ZNF423: variants seen among roughly 807,000 people sequenced by gnomAD.
The protein encoded by ZNF423 is zinc finger protein 423.
In ZNF423, 12 loss-of-function variants were observed where a neutral mutation model predicts 95.8. The ratio of observed to expected loss-of-function variants is 0.13; its 90% CI spans 0.08 to 0.20. The LOEUF (loss-of-function observed/expected upper bound fraction) is 0.20. ZNF423 is among the 10% of genes least tolerant of loss of function. The pLI is 1.00. For synonymous variants in ZNF423, 749 were observed against 711.9 expected (o/e 1.05, Z -0.83); for missense variants, 1,316 against 1,737.1 (o/e 0.76, Z 4.31).
rs959627511 is a variant in ZNF423 at position 49,855,766 on chromosome 16, C to T, written c.9G>A (p.Arg3=). The part of the protein sequence containing the change: MS[R]RKQAKPRSVK... ...CCGAGCGCGGCTTCGCCTGCTTCCGCCTGGACATGTCCGGGGCTCCGGGCG... is the reference window on the plus strand; with the variant it reads ...CCGAGCGCGGCTTCGCCTGCTTCCGTCTGGACATGTCCGGGGCTCCGGGCG... The change falls in exon 1 of 8, where the codon AGG becomes AGA. Residue 3 remains arginine, a synonymous_variant. Coordinates refer to ENST00000563137, the MANE Select transcript of ZNF423 (RefSeq NM_001379286.1). This position sits in a 1 kb window ranked among gnomAD's most constrained non-coding sequence, Gnocchi z 4.7. 1 of 153,168 alleles carries T rather than the reference C, an allele frequency of 6.5e-6. No individual in the cohort carries two copies. Among genetic ancestry groups the T allele is most frequent in the African/African-American group, 2.4e-5 (1 of 41,346 alleles). 9.5% of individuals were successfully genotyped at this position (153,168 alleles called of 1,614,324 possible). A position where few individuals can be genotyped will look rare whatever the true frequency, so the allele number is the denominator to read the frequency against.
chr16:49,621,545 C>T (rs1457960707), intron 5 of ZNF423, among the ~76,000 whole-genome samples: 3 of 152,136 alleles, frequency 2.0e-5, no homozygotes, highest in Non-Finnish European at 2.9e-5. Flanking sequence ...CAGTCCGGGT[C>T]CCAGGGGAGG....
intron 1 of ZNF423, among the ~76,000 whole-genome samples, chr16:49,853,479 GA>G (rs1361278129): frequency 6.6e-6 from 1 of 152,058 alleles, no homozygotes; most frequent in Non-Finnish European, 1.5e-5. Context: ...GCTGCTTTTG[GA>G]AAATGCAAAA....
chr16:49,573,154 G>C (rs1970402791), intron 5 of ZNF423, among the ~76,000 whole-genome samples: 1 of 152,098 alleles, frequency 6.6e-6, no homozygotes, highest in Non-Finnish European at 1.5e-5. Context: ...GGTAGAAGTG[G>C]GTAGAGGAGT....
intron 5 of ZNF423, among the ~76,000 whole-genome samples, chr16:49,596,994 G>A (rs1009094723): frequency 6.6e-6 from 1 of 152,182 alleles, no homozygotes; most frequent in African/African-American, 2.4e-5. Flanking sequence ...CTGTTGGGTC[G>A]GCTTGGGCTT....
At chr16:49,533,053 C>G (rs980969010) in intron 5 of ZNF423, among the ~76,000 whole-genome samples, 2 of 152,214 alleles carry the variant, frequency 1.3e-5, no homozygotes, top group African/African-American at 4.8e-5. Context: ...CTGACCACAG[C>G]AAGACTGGAC....
chr16:49,695,298 T>C (rs1224413606), intron 3 of ZNF423, among the ~76,000 whole-genome samples: 4 of 152,180 alleles, frequency 2.6e-5, no homozygotes, highest in African/African-American at 9.7e-5. Flanking sequence ...TATTTTTATT[T>C]TATTTTATTT....
intron 5 of ZNF423, among the ~76,000 whole-genome samples, chr16:49,595,123 G>A (rs1971142500): frequency 6.6e-6 from 1 of 152,230 alleles, no homozygotes; most frequent in South Asian, 2.1e-4. Flanking sequence ...CGGGAGGGCA[G>A]GGAGTGCTGC....
intron 7 of ZNF423, among the ~76,000 whole-genome samples, chr16:49,506,740 T>C (rs911478306): frequency 1.3e-5 from 2 of 151,718 alleles, no homozygotes; most frequent in East Asian, 1.9e-4. Flanking sequence ...GGTGGAGAGA[T>C]GGGTAGGTGG....
At chr16:49,833,660 AC>A (rs1734777189) in intron 1 of ZNF423, among the ~76,000 whole-genome samples, 1 of 148,374 alleles carries the variant, frequency 6.7e-6, no homozygotes, top group Admixed American at 6.7e-5. Context: ...CAGAAGACGG[AC>A]AGATGTCAAG....
chr16:49,837,226 T>C (rs764355692), intron 1 of ZNF423, among the ~76,000 whole-genome samples: 1 of 152,086 alleles, frequency 6.6e-6, no homozygotes, highest in Non-Finnish European at 1.5e-5. Flanking sequence ...CCATGGGATA[T>C]GGAGACCTTG....
rs73580509 is a variant in ZNF423, at chr16:49,560,614, C to T, written c.3602-35120G>A. On this transcript the variant is annotated intron_variant, in intron 5 of 7. Transcript: ENST00000563137. ...GTGGGAAGGAATATGAATGTGGTGC[C>T]GGCTCTACCATGGGGCCTTGAGGCC... Among the ~76,000 whole-genome samples, 1,335 of 152,224 alleles carry T rather than the reference C, an allele frequency of 8.8e-3. 24 individuals carry two copies. The highest frequency in any genetic ancestry group is 0.031 in the African/African-American group (1,282 of 41,524).
chr16:49,502,823 C>A (rs1967465790), intron 7 of ZNF423, among the ~76,000 whole-genome samples: 1 of 123,596 alleles, frequency 8.1e-6, no homozygotes, highest in African/African-American at 3.4e-5. Flanking sequence ...ACACACCTGC[C>A]CCCGTCATGT....
At chr16:49,812,924 G>C (rs1475274446) in intron 1 of ZNF423, among the ~76,000 whole-genome samples, 1 of 152,094 alleles carries the variant, frequency 6.6e-6, no homozygotes, top group Non-Finnish European at 1.5e-5. Context: ...TGGGTGGCTG[G>C]GGGAGTTTCT....
chr16:49,815,829 C>A (rs572728244), intron 1 of ZNF423, among the ~76,000 whole-genome samples: 168 of 131,836 alleles, frequency 1.3e-3, no homozygotes, highest in Middle Eastern at 4.9e-3. Context: ...TTTGTGCATA[C>A]TTTCCTGAAT....
chr16:49,820,024 AGGTG>A (rs2034915975), intron 1 of ZNF423, among the ~76,000 whole-genome samples: 1 of 148,824 alleles, frequency 6.7e-6, no homozygotes, highest in Non-Finnish European at 1.5e-5. Context: ...TTTGTTGAAT[AGGTG>A]GATGGATGGA....
At chr16:49,667,389 C>T (rs376037891) in intron 3 of ZNF423, among the ~76,000 whole-genome samples, 5 of 152,302 alleles carry the variant, frequency 3.3e-5, no homozygotes, top group African/African-American at 1.2e-4. Context: ...AACCCTCATC[C>T]CCCGAGTGAG....
chr16:49,849,935 T>C, intron 1 of ZNF423, among the ~76,000 whole-genome samples: 1 of 152,142 alleles, frequency 6.6e-6, no homozygotes, highest in East Asian at 1.9e-4. Context: ...ATACAATAGC[T>C]TTCAAAGGGA....
intron 5 of ZNF423, among the ~76,000 whole-genome samples, chr16:49,614,257 G>C (rs1971807701): frequency 6.6e-6 from 1 of 152,130 alleles, no homozygotes; most frequent in Non-Finnish European, 1.5e-5. Flanking sequence ...ATATCACAAT[G>C]CAACTATCAG....
At chr16:49,740,111 C>A (rs1215760179) in intron 2 of ZNF423, among the ~76,000 whole-genome samples, 1 of 151,948 alleles carries the variant, frequency 6.6e-6, no homozygotes, top group African/African-American at 2.4e-5. Flanking sequence ...TCAAGTAATC[C>A]CACCTCAGCC....
Sources: allele counts gnomAD v4.1 joint callset (sites outside exome capture counted in the v4.1 genomes callset), GRCh38; gene constraint gnomAD v4.1.1; non-coding constraint Gnocchi (gnomAD v3.1); transcripts MANE v1.5; gene names NCBI Gene and HGNC (gene_info 2026-07-23, HGNC 2026-07-21).